The following DST variants were observed in gnomAD, a reference collection of about 807,000 sequenced individuals.
The protein encoded by DST is dystonin.
A neutral mutation model predicts 875.2 loss-of-function variants in DST; 253 were observed. The observed-to-expected ratio is 0.29, with a 90% CI of 0.26 to 0.32. The LOEUF (loss-of-function observed/expected upper bound fraction) is 0.32, where lower values mean the gene tolerates loss of function less well. Ranked by LOEUF, DST falls within the 10% of genes least tolerant of loss-of-function variation. DST has a pLI of 1.00. For missense variants in DST, 8,287 were observed against 9,111.6 expected (o/e 0.91, Z 3.68); for synonymous variants, 3,124 against 3,197.1 (o/e 0.98, Z 0.77).
intron 4 of DST, among the ~76,000 whole-genome samples, chr6:56,782,647 A>T (rs1248012402): frequency 2.0e-5 from 3 of 151,624 alleles, no homozygotes; most frequent in African/African-American, 7.3e-5. Flanking sequence ...GCGGTCTATC[A>T]ATTTTGTTGA....
At chr6:56,693,314 C>G in intron 9 of DST, 1 of 1,170,974 alleles carries the variant, frequency 8.5e-7, no homozygotes, top group Non-Finnish European at 1.1e-6. Flanking sequence ...GAGAAAGGCA[C>G]ACACAAGAAA....
At chr6:56,896,377 T>C (rs147072520) in intron 3 of DST, among the ~76,000 whole-genome samples, 1,838 of 152,262 alleles carry the variant, frequency 0.012, 35 homozygotes, top group East Asian at 0.04. Flanking sequence ...CAGGGGTTTC[T>C]GCTTTTGCTT....
intron 61 of DST, among the ~76,000 whole-genome samples, chr6:56,540,014 G>A (rs1408996087): frequency 6.6e-6 from 1 of 152,082 alleles, no homozygotes; most frequent in Non-Finnish European, 1.5e-5. Context: ...TAAATGAAGG[G>A]GAATGGCCAC....
At chr6:56,858,874 T>C (rs1441411943) in intron 3 of DST, among the ~76,000 whole-genome samples, 1 of 152,208 alleles carries the variant, frequency 6.6e-6, no homozygotes, top group Non-Finnish European at 1.5e-5. Context: ...AGAAAAAGGA[T>C]GTTTAGGGAT....
chr6:56,729,607 CAAAA>C (rs569525896), intron 5 of DST, among the ~76,000 whole-genome samples: 1 of 63,762 alleles, frequency 1.6e-5, no homozygotes, highest in African/African-American at 5.5e-5. Flanking sequence ...AACTCCATCT[CAAAA>C]AAAAAAAAAA....
intron 69 of DST, among the ~76,000 whole-genome samples, chr6:56,525,595 A>G (rs1291922672): frequency 3.3e-5 from 5 of 152,224 alleles, no homozygotes; most frequent in African/African-American, 7.2e-5. Flanking sequence ...TTAGTCACAC[A>G]CCATCACAAG....
At chr6:56,846,774 T>C (rs1476029363) in intron 4 of DST, among the ~76,000 whole-genome samples, 1 of 150,256 alleles carries the variant, frequency 6.7e-6, no homozygotes, top group Non-Finnish European at 1.5e-5. Context: ...GAGGCCAAGG[T>C]GGGCAGATTG....
intron 3 of DST, among the ~76,000 whole-genome samples, chr6:56,879,608 C>T (rs1781142519): frequency 6.6e-6 from 1 of 152,074 alleles, no homozygotes; most frequent in Non-Finnish European, 1.5e-5. Context: ...TGCATACATC[C>T]ATATTCAGTG....
chr6:56,529,708 A>C lies in DST; in HGVS notation c.17335T>G (p.Leu5779Val), dbSNP rs762793962. The C allele has an allele frequency of 1.9e-6, 3 of 1,613,346 alleles. No individual in the cohort carries two copies. The highest frequency in any genetic ancestry group is 1.7e-6 in the Non-Finnish European group (2 of 1,179,648). The change falls in exon 66 of 104, where the codon TTA becomes GTA. Residue 5779 changes from leucine to valine, a missense_variant. Coordinates refer to ENST00000680361, the MANE Select transcript of DST (RefSeq NM_001374736.1). ...LHQAVSIGQS[L>V]KVLSSREDKD... Reference sequence around the variant, plus strand: ...TCCTCCCTGGAGCTCAAAACCTTTAAGGACTGGCCAATGCTAACAGCCTGG... The same window carrying C: ...TCCTCCCTGGAGCTCAAAACCTTTACGGACTGGCCAATGCTAACAGCCTGG...
At chr6:56,815,069 T>A (rs141912376) in intron 4 of DST, among the ~76,000 whole-genome samples, 514 of 152,306 alleles carry the variant, frequency 3.4e-3, no homozygotes, top group Non-Finnish European at 5.5e-3. Context: ...AAGTCGCTTA[T>A]CCTCTCTGTG....
intron 4 of DST, among the ~76,000 whole-genome samples, chr6:56,774,332 C>A (rs2099673580): frequency 6.6e-6 from 1 of 152,036 alleles, no homozygotes; most frequent in African/African-American, 2.4e-5. Flanking sequence ...CTAAAAAAGT[C>A]ATTTCCCACC....
At chr6:56,912,080 G>T (rs554112431) in intron 2 of DST, among the ~76,000 whole-genome samples, 36 of 152,272 alleles carry the variant, frequency 2.4e-4, no homozygotes, top group African/African-American at 7.2e-4. Context: ...GTGACTCCAG[G>T]CTCTTTCTCC....
At chr6:56,839,479 A>G (rs1261913924) in intron 4 of DST, among the ~76,000 whole-genome samples, 2 of 152,218 alleles carry the variant, frequency 1.3e-5, no homozygotes, top group African/African-American at 4.8e-5. Flanking sequence ...AGCACAGTTA[A>G]AGTTCATTTA....
intron 50 of DST, among the ~76,000 whole-genome samples, chr6:56,574,466 C>G (rs554278573): frequency 6.6e-6 from 1 of 152,084 alleles, no homozygotes; most frequent in Non-Finnish European, 1.5e-5. Flanking sequence ...CTGGCAGATG[C>G]AAGTAATTAA....
At chr6:56,546,340 C>CATATTTCATATATATATATATATATAT (rs2097219181) in intron 61 of DST, among the ~76,000 whole-genome samples, 1 of 86,144 alleles carries the variant, frequency 1.2e-5, no homozygotes, top group African/African-American at 4.1e-5. Context: ...GAAATATATA[C>CATATTTCATATATATATATATATATAT]ATATTTCATA....
rs754037360 is a variant in DST at position 56,487,236 on chromosome 6, T to C, written c.20915A>G (p.Tyr6972Cys). ...QKSLGAKHSV[Y>C]DTTNRTGRSL... is the part of the protein sequence containing the mutation. ...ACGTCCAGTCCTGTTGGTGGTGTCG[T>C]AGACAGAATGCTTGGCTCCGAGTGA... Residue 6972 changes from tyrosine (Y) to cysteine (C), a missense_variant, in exon 87 of 104, where the codon TAC (tyrosine) becomes TGC (cysteine). Around this residue, in one of 10 missense-constraint regions of DST, gnomAD observed 1,292 missense variants for 1,552.7 expected, o/e 0.83. Transcript: ENST00000680361. 3 of 1,599,422 alleles carry C rather than the reference T, an allele frequency of 1.9e-6. No individual in the cohort carries two copies. Among genetic ancestry groups the C allele is most frequent in the South Asian group, 1.1e-5 (1 of 88,014 alleles).
intron 47 of DST, among the ~76,000 whole-genome samples, chr6:56,596,628 CT>C (rs2098390851): frequency 6.6e-6 from 1 of 152,160 alleles, no homozygotes; most frequent in Non-Finnish European, 1.5e-5. Flanking sequence ...TCCCATTCTT[CT>C]TCTGGTTTAA....
In DST at chr6:56,529,900, T is replaced by C. The variant is rs1018031355; in HGVS notation, c.17268+74A>G. The C allele has an allele frequency of 3.2e-6, 5 of 1,561,160 alleles. No individual in the cohort carries two copies. In the African/African-American group the frequency reaches 6.8e-5, roughly 21 times the overall value. ...AGTTTGCAATTAAACAAAACAATAG[T>C]ACATAACTCAAATTTATGTCACAAA... On this transcript the variant is annotated intron_variant, in intron 65 of 103. Transcript: ENST00000680361.
At chr6:56,674,421 C>A (rs1246012085) in intron 9 of DST, among the ~76,000 whole-genome samples, 1 of 152,122 alleles carries the variant, frequency 6.6e-6, no homozygotes, top group Non-Finnish European at 1.5e-5. Context: ...CCTCAGCCTC[C>A]CAAGTAGCTG....
Sources: gnomAD v4.1 joint callset for allele counts (sites outside exome capture counted in the v4.1 genomes callset) on GRCh38, gnomAD v4.1.1 for gene constraint, gnomAD v4.1.1 regional missense constraint, MANE v1.5 for transcripts, NCBI Gene and HGNC (gene_info 2026-07-23, HGNC 2026-07-21) for gene names.